The following RSPO3 variants were observed in gnomAD, a reference collection of about 807,000 sequenced individuals.
RSPO3 encodes R-spondin 3.
RSPO3 carries 17 observed loss-of-function variants against 36.5 expected under a neutral mutation model. The observed-to-expected ratio is 0.47, with a 90% CI of 0.32 to 0.70. RSPO3 has a LOEUF of 0.70. Ranked by LOEUF, RSPO3 falls within the 30% of genes least tolerant of loss-of-function variation. RSPO3 has a pLI of 0.04. For missense variants in RSPO3, 294 were observed against 322.5 expected, an observed-to-expected ratio of 0.91 and a Z score of 0.68; for synonymous variants, 108 against 107.0, an observed-to-expected ratio of 1.01 and a Z score of -0.06.
intron 1 of RSPO3, among the ~76,000 whole-genome samples, chr6:127,122,616 A>C (rs1773867026): frequency 6.6e-6 from 1 of 152,204 alleles, no homozygotes; most frequent in Non-Finnish European, 1.5e-5. Context: ...ACAGTTATGT[A>C]CACCTTTATT....
chr6:127,150,638 G>C, intron 3 of RSPO3, 66 bp downstream of exon 3: 2 of 1,491,596 alleles, frequency 1.3e-6, no homozygotes, highest in Non-Finnish European at 1.8e-6. Context: ...GCTTTTCAAA[G>C]TCCTTTGCCA....
intron 4 of RSPO3, among the ~76,000 whole-genome samples, chr6:127,181,307 G>A (rs1426678599): frequency 6.6e-6 from 1 of 151,728 alleles, no homozygotes; most frequent in African/African-American, 2.4e-5. Flanking sequence ...AAACTATACA[G>A]TAAAATATAC....
chr6:127,170,466 T>C (rs1314650639), intron 4 of RSPO3, among the ~76,000 whole-genome samples: 1 of 150,016 alleles, frequency 6.7e-6, no homozygotes, highest in Admixed American at 6.7e-5. Context: ...TATACATATA[T>C]ATATAAAGTT....
chr6:127,189,026 C>A (rs117533464), intron 4 of RSPO3, among the ~76,000 whole-genome samples: 116 of 152,196 alleles, frequency 7.6e-4, no homozygotes, highest in Non-Finnish European at 1.4e-3. Flanking sequence ...CTTCTAGGCA[C>A]CGTACTCTTA....
chr6:127,183,929 C>A (rs754956491), intron 4 of RSPO3, among the ~76,000 whole-genome samples: 54 of 151,866 alleles, frequency 3.6e-4, no homozygotes, highest in Non-Finnish European at 2.1e-4. Flanking sequence ...AAGAAACTTA[C>A]AATCATGATG....
intron 1 of RSPO3, among the ~76,000 whole-genome samples, chr6:127,133,084 T>C (rs1278413045): frequency 6.6e-6 from 1 of 152,102 alleles, no homozygotes; most frequent in Non-Finnish European, 1.5e-5. Flanking sequence ...ACATAGGATT[T>C]TTTTAATTTT....
At chr6:127,195,448 C>T (rs758731554) in intron 4 of RSPO3, among the ~76,000 whole-genome samples, 8 of 152,114 alleles carry the variant, frequency 5.3e-5, no homozygotes, top group Middle Eastern at 3.2e-3. Flanking sequence ...GGATTACAGG[C>T]GTAAGCCACC....
At chr6:127,144,465 C>T (rs575720936) in intron 1 of RSPO3, among the ~76,000 whole-genome samples, 2 of 152,174 alleles carry the variant, frequency 1.3e-5, no homozygotes, top group South Asian at 4.2e-4. Flanking sequence ...TTACTTGTAT[C>T]ATAAGGCAAT....
chr6:127,197,179 A>G lies in RSPO3; in HGVS notation c.*1172A>G. 1 of 422,994 alleles carries G rather than the reference A, an allele frequency of 2.4e-6. No homozygotes were observed. The highest frequency in any genetic ancestry group is 4.0e-5 in the South Asian group (1 of 25,046). 26.2% of individuals were successfully genotyped at this position (422,994 alleles called of 1,614,324 possible). ...AGAATATATTACATTTCTCAGTAAT[A>G]TTTGTTTTTTGAATCCACCTTTATC... is the stretch of plus-strand genomic sequence containing the variant. On this transcript the variant is annotated 3_prime_UTR_variant, in exon 5 of 5. Coordinates refer to ENST00000356698, the MANE Select transcript of RSPO3 (RefSeq NM_032784.5).
chr6:127,170,169 T>C (rs895280629), intron 4 of RSPO3, among the ~76,000 whole-genome samples: 4 of 151,764 alleles, frequency 2.6e-5, no homozygotes, highest in African/African-American at 9.7e-5. Flanking sequence ...GCTTTCCTCC[T>C]GGTAATAGAT....
Position 127,148,789 on chromosome 6 carries a change from G to A in RSPO3, c.239G>A (p.Cys80Tyr). The change falls in exon 2 of 5, where the codon TGT becomes TAT. Residue 80 changes from cysteine to tyrosine, a missense_variant. Physicochemically the swap from Cys to Tyr is radical, Grantham distance 194 (BLOSUM62 -2). This residue lies in a region of RSPO3 where 43 missense variants were observed against 86.0 expected (regional missense o/e 0.50). Coordinates refer to ENST00000356698, the MANE Select transcript of RSPO3 (RefSeq NM_032784.5). ...CAGATTGGAGTATGTCTCTCTTCAT[G>A]TCCAAGTGGATATTATGGAACTCGA... ...MKQIGVCLSS[C>Y]PSGYYGTRYP... is the part of the protein sequence containing the mutation. 1 of 1,612,912 alleles carries A rather than the reference G, an allele frequency of 6.2e-7. No homozygotes were observed. The highest frequency in any genetic ancestry group is 8.5e-7 in the Non-Finnish European group (1 of 1,179,238).
chr6:127,123,311 C>T (rs1773880838), intron 1 of RSPO3, among the ~76,000 whole-genome samples: 1 of 152,106 alleles, frequency 6.6e-6, no homozygotes, highest in Admixed American at 6.5e-5. Context: ...ATATTGACTA[C>T]AATGTATTTT....
chr6:127,180,364 C>A (rs1775155838), intron 4 of RSPO3, among the ~76,000 whole-genome samples: 1 of 151,308 alleles, frequency 6.6e-6, no homozygotes. Context: ...ATGCCAAGAA[C>A]TTTGGGAGTA....
In RSPO3 at chr6:127,143,063, C is replaced by T. The variant is rs528926144; in HGVS notation, c.98-5585C>T. 5.3e-5 allele frequency among the ~76,000 whole-genome samples: 8 copies of T among 151,668 alleles called. No homozygotes were observed. In the South Asian group the frequency reaches 1.7e-3, roughly 32 times the overall value. On this transcript the variant is annotated intron_variant, in intron 1 of 4. Coordinates refer to ENST00000356698, the MANE Select transcript of RSPO3 (RefSeq NM_032784.5). ...CAAACTCCTTGGCTCAAGGAAAGTG[C>T]TGGGATTACAGTTGTGAGCCACTGT...
At chr6:127,192,811 T>A (rs1775439643) in intron 4 of RSPO3, 1 of 522,634 alleles carries the variant, frequency 1.9e-6, no homozygotes, top group Non-Finnish European at 2.5e-6. Flanking sequence ...TGTCAGATTG[T>A]CATAACTGGA....
At position 127,197,477 on chromosome 6, in the gene RSPO3, C is replaced by G. The variant is rs1241939217; in HGVS notation, c.*1470C>G. 2 of 1,550,630 alleles carry G rather than the reference C, an allele frequency of 1.3e-6. No homozygotes were observed. The highest frequency in any genetic ancestry group is 1.2e-5 in the South Asian group (1 of 84,068). The stretch of plus-strand genomic sequence containing the variant: ...CCTCACCAGTGTTTCACAGAGGACA[C>G]AGCCCACCCCTTGCAGGAGGAGGTA... On this transcript the variant is annotated 3_prime_UTR_variant, in exon 5 of 5. Transcript: ENST00000356698.
intron 4 of RSPO3, among the ~76,000 whole-genome samples, chr6:127,160,193 T>G (rs1157742342): frequency 6.6e-6 from 1 of 152,206 alleles, no homozygotes; most frequent in Non-Finnish European, 1.5e-5. Flanking sequence ...ACTTTAAAAT[T>G]TCATCTCTCT....
chr6:127,126,015 A>G (rs1454064805), intron 1 of RSPO3, among the ~76,000 whole-genome samples: 1 of 152,158 alleles, frequency 6.6e-6, no homozygotes, highest in Non-Finnish European at 1.5e-5. Context: ...TAATCAAATC[A>G]GTAGTTCTTG....
In RSPO3 at chr6:127,118,683, C is replaced by T. The variant is rs1330879867; in HGVS notation, c.-510C>T. 6.6e-6 allele frequency: 1 copy of T among 150,588 alleles called. No homozygotes were observed. Among genetic ancestry groups the T allele is most frequent in the East Asian group, 2.0e-4 (1 of 4,994 alleles). The allele number at this position is 150,588 out of a possible 1,614,324, so 9.3% of individuals were successfully genotyped here. A position where few individuals can be genotyped will look rare whatever the true frequency, so the allele number is the denominator to read the frequency against. On this transcript the variant is annotated 5_prime_UTR_variant, in exon 1 of 5. Coordinates refer to ENST00000356698, the MANE Select transcript of RSPO3 (RefSeq NM_032784.5). ...AGCCCAGCCCAACACTGGAGCGTCTCCTGCTCGCGCACGCCAGAAGCAGCT... is the reference window on the plus strand; with the variant it reads ...AGCCCAGCCCAACACTGGAGCGTCTTCTGCTCGCGCACGCCAGAAGCAGCT...
Sources: gnomAD v4.1 joint callset for allele counts (sites outside exome capture counted in the v4.1 genomes callset) on GRCh38, gnomAD v4.1.1 for gene constraint, gnomAD v4.1.1 regional missense constraint, MANE v1.5 for transcripts, NCBI Gene and HGNC (gene_info 2026-07-23, HGNC 2026-07-21) for gene names.